The following LRRC3B variants were observed in gnomAD, a reference collection of about 807,000 sequenced individuals.
The protein encoded by LRRC3B is leucine-rich repeat-containing protein 3B.
A neutral mutation model predicts 12.8 loss-of-function variants in LRRC3B; 2 were observed. The ratio of observed to expected loss-of-function variants is 0.16; its 90% CI spans 0.06 to 0.49. The LOEUF (loss-of-function observed/expected upper bound fraction) is 0.49, where lower values mean the gene tolerates loss of function less well. Ranked by LOEUF, LRRC3B falls within the 20% of genes least tolerant of loss-of-function variation. The pLI, the probability that LRRC3B is intolerant of heterozygous loss-of-function variation, is 0.96. For missense variants in LRRC3B, 189 were observed against 319.4 expected, an observed-to-expected ratio of 0.59 and a Z score of 3.11; for synonymous variants, 132 against 122.0, an observed-to-expected ratio of 1.08 and a Z score of -0.54.
rs545967235 is a variant in LRRC3B, at chr3:26,664,883, TTA to T, written c.-161+41647_-161+41648del. Among the ~76,000 whole-genome samples, 251 of 151,870 alleles carry T rather than the reference TTA, an allele frequency of 1.7e-3. 2 individuals are homozygous for T. Among genetic ancestry groups the T allele is most frequent in the African/African-American group, 5.5e-3 (226 of 41,394 alleles). ...TCTGAAAATTGAGCATGTATCAGAATTACTAGAAGGCTTAATAAAATGTAGTT... is the reference window on the plus strand; with the variant it reads ...TCTGAAAATTGAGCATGTATCAGAATCTAGAAGGCTTAATAAAATGTAGTT... On this transcript the variant is annotated intron_variant, in intron 1 of 1. Transcript: ENST00000396641.
intron 1 of LRRC3B, among the ~76,000 whole-genome samples, chr3:26,680,448 G>A (rs1437159070): frequency 6.6e-6 from 1 of 152,212 alleles, no homozygotes; most frequent in Non-Finnish European, 1.5e-5. Context: ...GAGGTCTAAT[G>A]CCACAAGCAA....
intron 1 of LRRC3B, among the ~76,000 whole-genome samples, chr3:26,638,500 A>T (rs13318953): frequency 0.011 from 1,641 of 152,254 alleles, 20 homozygotes; most frequent in African/African-American, 0.037. Flanking sequence ...CCCTCAAGTT[A>T]TAAACTTCTG....
At chr3:26,638,323 G>T (rs1319561550) in intron 1 of LRRC3B, among the ~76,000 whole-genome samples, 1 of 152,142 alleles carries the variant, frequency 6.6e-6, no homozygotes, top group East Asian at 1.9e-4. Flanking sequence ...ACTTTTATTG[G>T]TGATGTCATA....
At chr3:26,635,522 G>A (rs1366282148) in intron 1 of LRRC3B, among the ~76,000 whole-genome samples, 3 of 152,074 alleles carry the variant, frequency 2.0e-5, no homozygotes. Flanking sequence ...ACACACCAAG[G>A]AAAGGCCATG....
At chr3:26,653,830 C>T (rs76981347) in intron 1 of LRRC3B, among the ~76,000 whole-genome samples, 5,321 of 152,250 alleles carry the variant, frequency 0.035, 344 homozygotes, top group African/African-American at 0.12. Context: ...AGCATGACCA[C>T]ACAAAGATAC....
At chr3:26,681,071 A>G (rs1021695211) in intron 1 of LRRC3B, among the ~76,000 whole-genome samples, 9 of 152,216 alleles carry the variant, frequency 5.9e-5, no homozygotes, top group Admixed American at 4.6e-4. Context: ...TTTTTAAAAA[A>G]GTAGATTTTG....
intron 1 of LRRC3B, among the ~76,000 whole-genome samples, chr3:26,649,944 T>C (rs1461796952): frequency 6.6e-6 from 1 of 152,150 alleles, no homozygotes; most frequent in East Asian, 1.9e-4. Flanking sequence ...TCCCTCTACT[T>C]ATCCAGTGCA....
chr3:26,685,523 C>CTATATATATATATATATA (rs57407254), intron 1 of LRRC3B, among the ~76,000 whole-genome samples: 1 of 38,302 alleles, frequency 2.6e-5, no homozygotes, highest in African/African-American at 1.3e-4. Flanking sequence ...CTCTCTCTCT[C>CTATATATATATATATATA]TATATATATA....
intron 1 of LRRC3B, among the ~76,000 whole-genome samples, chr3:26,691,980 G>C (rs1700203030): frequency 6.6e-6 from 1 of 152,158 alleles, no homozygotes; most frequent in Admixed American, 6.5e-5. Context: ...TTGCAAAAGA[G>C]CTTCTGAGAG....
chr3:26,642,057 A>T (rs1030485819), intron 1 of LRRC3B, among the ~76,000 whole-genome samples: 3 of 152,228 alleles, frequency 2.0e-5, no homozygotes, highest in Admixed American at 2.0e-4. Context: ...ATTTCCTGAG[A>T]AGAGTGGTAT....
At position 26,630,690 on chromosome 3, in the gene LRRC3B, T is replaced by C. The variant is rs368493197; in HGVS notation, c.-161+7453T>C. Among the ~76,000 whole-genome samples the C allele has an allele frequency of 2.4e-4, 36 of 152,286 alleles. No individual in the cohort carries two copies. In the East Asian group the frequency reaches 6.2e-3, roughly 26 times the overall value. ...TGAGATGGTACATTGCCATTTAAGC[T>C]TCACAAACAAAGTTGCGACTTTTTT... On this transcript the variant is annotated intron_variant, in intron 1 of 1. Coordinates refer to ENST00000396641, the Ensembl canonical transcript of LRRC3B.
intron 1 of LRRC3B, among the ~76,000 whole-genome samples, chr3:26,691,134 T>TATATATATATAA (rs71295085): frequency 7.0e-6 from 1 of 143,372 alleles, no homozygotes; most frequent in Non-Finnish European, 1.5e-5. Flanking sequence ...TATATATATA[T>TATATATATATAA]GAGACAGGAT....
At chr3:26,633,373 T>C (rs1052993885) in intron 1 of LRRC3B, among the ~76,000 whole-genome samples, 8 of 152,330 alleles carry the variant, frequency 5.3e-5, no homozygotes, top group African/African-American at 1.9e-4. Context: ...GAGGCTTAAA[T>C]GAATTAACAT....
Position 26,675,771 on chromosome 3 carries a change from A to T in LRRC3B, c.-160-33742A>T, listed in dbSNP as rs546398978. 6.4e-4 allele frequency among the ~76,000 whole-genome samples: 98 copies of T among 152,314 alleles called. 1 individual carries two copies. The highest frequency in any genetic ancestry group is 2.3e-3 in the African/African-American group (96 of 41,576). On this transcript the variant is annotated intron_variant, in intron 1 of 1. Coordinates refer to ENST00000396641, the Ensembl canonical transcript of LRRC3B. ...TTTGAAAATATACAGTGTTTTTAAA[A>T]ATAGGTTGATATGAAACGCCTTAAT...
intron 1 of LRRC3B, 113 bp from the exon 2 acceptor site, chr3:26,709,400 T>A (rs4473518): frequency 4.4e-6 from 2 of 454,790 alleles, no homozygotes; most frequent in Non-Finnish European, 7.9e-6. Flanking sequence ...GGAAATTACC[T>A]GCATAACTAA....
chr3:26,690,662 A>T (rs898402690), intron 1 of LRRC3B, among the ~76,000 whole-genome samples: 1 of 152,068 alleles, frequency 6.6e-6, no homozygotes, highest in African/African-American at 2.4e-5. Context: ...TGGTAATCTC[A>T]GTTCTGATTT....
intron 1 of LRRC3B, among the ~76,000 whole-genome samples, chr3:26,706,779 G>A (rs1378545254): frequency 6.6e-6 from 1 of 152,132 alleles, no homozygotes; most frequent in Non-Finnish European, 1.5e-5. Flanking sequence ...CATCTCCTAG[G>A]AGCCTGAACA....
At chr3:26,636,950 C>CTT (rs1553601398) in intron 1 of LRRC3B, among the ~76,000 whole-genome samples, 2 of 122,866 alleles carry the variant, frequency 1.6e-5, no homozygotes, top group Non-Finnish European at 3.2e-5. Flanking sequence ...TTCTTTCTTT[C>CTT]TTTCTTTCTT....
At chr3:26,670,188 G>A (rs1313718614) in intron 1 of LRRC3B, among the ~76,000 whole-genome samples, 1 of 152,146 alleles carries the variant, frequency 6.6e-6, no homozygotes, top group African/African-American at 2.4e-5. Context: ...AGGAAAGGAT[G>A]TGCATTTCTT....
Sources: allele counts gnomAD v4.1 joint callset (sites outside exome capture counted in the v4.1 genomes callset), GRCh38; gene constraint gnomAD v4.1.1; transcripts MANE v1.5; gene names NCBI Gene and HGNC (gene_info 2026-07-23, HGNC 2026-07-21).